Variants in EPHA8 observed in about 807,000 individuals in gnomAD.
The protein encoded by EPHA8 is ephrin type-A receptor 8.
EPHA8 carries 58 observed loss-of-function variants against 103.6 expected under a neutral mutation model. The ratio of observed to expected loss-of-function variants is 0.56; its 90% CI spans 0.45 to 0.70. The LOEUF (loss-of-function observed/expected upper bound fraction) is 0.70. Among genes scored for constraint, EPHA8 ranks in the 30% least tolerant of loss-of-function variants. The pLI is 0.00. For synonymous variants in EPHA8, 559 were observed against 572.5 expected (o/e 0.98, Z 0.34); for missense variants, 1,304 against 1,395.2 (o/e 0.93, Z 1.04).
chr1:22,566,536 G>T (rs1347297045), intron 1 of EPHA8, among the ~76,000 whole-genome samples: 2 of 152,180 alleles, frequency 1.3e-5, no homozygotes, highest in African/African-American at 2.4e-5. Flanking sequence ...GATGCCTATG[G>T]ACATCTTTCA....
chr1:22,587,520 G>A (rs990965183), intron 4 of EPHA8, among the ~76,000 whole-genome samples: 1 of 152,164 alleles, frequency 6.6e-6, no homozygotes, highest in Non-Finnish European at 1.5e-5. Context: ...GCAGGGCTGC[G>A]TGACTGTCCT....
At chr1:22,574,222 G>A (rs568219778) in intron 2 of EPHA8, among the ~76,000 whole-genome samples, 8 of 151,878 alleles carry the variant, frequency 5.3e-5, no homozygotes, top group Admixed American at 3.3e-4. Flanking sequence ...CTCGTGATCC[G>A]CCTGCCTCAG....
In EPHA8 at chr1:22,586,643, C is replaced by G. The variant is rs767823050; in HGVS notation, c.979+8C>G. ...CGTCCTCAGCCTGCACCCGTGAGTA[C>G]CACTCCGAGATGCCAGTACCCTTGA... On this transcript the variant is annotated splice_region_variant and intron_variant, in intron 4 of 16. Transcript: ENST00000166244. The G allele has an allele frequency of 6.2e-7, 1 of 1,613,210 alleles. No individual in the cohort carries two copies. The highest frequency in any genetic ancestry group is 8.5e-7 in the Non-Finnish European group (1 of 1,179,476).
intron 13 of EPHA8, 73 bp downstream of exon 13, chr1:22,599,120 C>T: frequency 6.7e-7 from 1 of 1,485,070 alleles, no homozygotes; most frequent in Non-Finnish European, 9.1e-7. Flanking sequence ...AGGGCCCAAC[C>T]ATTCTGCAAG....
chr1:22,571,689 A>G (rs1336565089), intron 2 of EPHA8, among the ~76,000 whole-genome samples: 2 of 152,178 alleles, frequency 1.3e-5, no homozygotes, highest in Non-Finnish European at 2.9e-5. Context: ...CCAGGCTAGC[A>G]GGTGAGGCAT....
Position 22,598,062 on chromosome 1 carries a change from G to T in EPHA8, c.2117-89G>T. On this transcript the variant is annotated intron_variant, in intron 11 of 16. Transcript: ENST00000166244. This position sits in a 1 kb window ranked among gnomAD's most constrained non-coding sequence, Gnocchi z 5.1. ...CCTGGGGTTTCCAGTGCTGGCACAG[G>T]TCCTGAGATGGTGGTATGCTCCTGG... The T allele has an allele frequency of 1.3e-6, 2 of 1,492,940 alleles. No individual in the cohort carries two copies. The highest frequency in any genetic ancestry group is 1.4e-5 in the African/African-American group (1 of 72,464). 92.5% of individuals were successfully genotyped at this position (1,492,940 alleles called of 1,614,324 possible).
rs1641577428 is a variant in EPHA8 at position 22,598,193 on chromosome 1, C to T, written c.2159C>T (p.Ser720Phe). Reference protein sequence around the residue: ...MIVTEYMENGSLDTFLRTHDG... With the variant: ...MIVTEYMENGFLDTFLRTHDG... Reference sequence around the variant, plus strand: ...GTGACTGAGTACATGGAGAACGGCTCTCTGGACACCTTCCTGAGGGTGCGT... The same window carrying T: ...GTGACTGAGTACATGGAGAACGGCTTTCTGGACACCTTCCTGAGGGTGCGT... Residue 720 changes from serine to phenylalanine, a missense_variant, in exon 12 of 17, where the codon TCT becomes TTT. Transcript: ENST00000166244. This position sits in a 1 kb window ranked among gnomAD's most constrained non-coding sequence, Gnocchi z 5.1. 1 of 1,613,292 alleles carries T rather than the reference C, an allele frequency of 6.2e-7. No individual in the cohort carries two copies.
rs148326577 is a variant in EPHA8 at position 22,588,986 on chromosome 1, G to A, written c.1095G>A (p.Val365=). The change falls in exon 5 of 17, where the codon GTG becomes GTA. Residue 365 remains valine, a synonymous_variant. Coordinates refer to ENST00000166244, the MANE Select transcript of EPHA8 (RefSeq NM_020526.5). ...GGRSDITYNA[V]CRRCPWALSR... The stretch of plus-strand genomic sequence containing the variant: ...GCAGTGACATCACCTACAATGCCGT[G>A]TGCCGCCGCTGCCCCTGGGCACTGA... 1.9e-6 allele frequency: 3 copies of A among 1,613,258 alleles called. No individual in the cohort carries two copies. The highest frequency in any genetic ancestry group is 1.1e-5 in the South Asian group (1 of 91,034).
intron 1 of EPHA8, among the ~76,000 whole-genome samples, chr1:22,564,242 C>T (rs1177503178): frequency 3.3e-5 from 5 of 151,026 alleles, no homozygotes. Flanking sequence ...CGCTGAGAAA[C>T]GGGACCCCGG....
At chr1:22,578,806 CATGT>C (rs1312369325) in intron 3 of EPHA8, among the ~76,000 whole-genome samples, 1 of 145,946 alleles carries the variant, frequency 6.9e-6, no homozygotes, top group African/African-American at 2.6e-5. Context: ...TGCGTGTGTG[CATGT>C]ATGTGTACAT....
In EPHA8 at chr1:22,569,223, G is replaced by C; in HGVS notation, c.95-66G>C. ...AGTGTGGACCAGTGTAGCTGGGTCAGGCTGCTCTTGAGGAGCTGGGGAGAA... is the reference window on the plus strand; with the variant it reads ...AGTGTGGACCAGTGTAGCTGGGTCACGCTGCTCTTGAGGAGCTGGGGAGAA... On this transcript the variant is annotated intron_variant, in intron 1 of 16. Transcript: ENST00000166244. The surrounding 1 kb of genome is among the most constrained non-coding windows in gnomAD (Gnocchi z 4.5). The C allele has an allele frequency of 2.6e-6, 4 of 1,553,084 alleles. No individual in the cohort carries two copies. The highest frequency in any genetic ancestry group is 1.1e-5 in the South Asian group (1 of 89,500).
intron 5 of EPHA8, among the ~76,000 whole-genome samples, chr1:22,590,599 G>A (rs1641346649): frequency 6.6e-6 from 1 of 152,132 alleles, no homozygotes; most frequent in African/African-American, 2.4e-5. Context: ...CCATTGACCT[G>A]TGTGGCCTGT....
chr1:22,598,450 G>A lies in EPHA8; in HGVS notation c.2178+238G>A, dbSNP rs912824770. Among the ~76,000 whole-genome samples, 2 of 152,212 alleles carry A rather than the reference G, an allele frequency of 1.3e-5. No individual in the cohort carries two copies. The highest frequency in any genetic ancestry group is 4.8e-5 in the African/African-American group (2 of 41,464). ...TCCTGCTGCCCTGCACACAGGCTGA[G>A]GGGGGTGCCTCTGTGGGAATCCAGG... On this transcript the variant is annotated intron_variant, in intron 12 of 16. Transcript: ENST00000166244. The surrounding 1 kb of genome is among the most constrained non-coding windows in gnomAD (Gnocchi z 5.1).
intron 1 of EPHA8, among the ~76,000 whole-genome samples, chr1:22,564,119 G>A (rs1342228536): frequency 6.7e-6 from 1 of 149,982 alleles, no homozygotes. Flanking sequence ...CAGGGTTGGG[G>A]ACAGAGGACA....
chr1:22,593,810 T>C (rs553742253), intron 7 of EPHA8, 124 bp downstream of exon 7: 8 of 1,199,844 alleles, frequency 6.7e-6, no homozygotes, highest in Non-Finnish European at 9.0e-6. Flanking sequence ...TCTGCTCTCC[T>C]TGCCCTACCA....
chr1:22,592,497 T>C (rs1641400165), intron 5 of EPHA8, among the ~76,000 whole-genome samples: 1 of 152,222 alleles, frequency 6.6e-6, no homozygotes, highest in South Asian at 2.1e-4. Flanking sequence ...ACCCTTCCAG[T>C]GCAACTCTGG....
chr1:22,576,400 C>T lies in EPHA8; in HGVS notation c.343C>T (p.Leu115=), dbSNP rs150187218. ...CGACTGCAACAGCATGCCTGGTGTG[C>T]TGGGCACCTGCAAGGAGACCTTCAA... is the stretch of plus-strand genomic sequence containing the variant. ...LRDCNSMPGV[L]GTCKETFNLY... The change falls in exon 3 of 17, where the codon CTG becomes TTG. Residue 115 remains leucine, a synonymous_variant. Transcript: ENST00000166244. The surrounding 1 kb of genome is among the most constrained non-coding windows in gnomAD (Gnocchi z 4.8). The T allele has an allele frequency of 2.7e-5, 43 of 1,613,810 alleles. No homozygotes were observed. The highest frequency in any genetic ancestry group is 3.4e-5 in the Non-Finnish European group (40 of 1,180,038).
At position 22,577,009 on chromosome 1, in the gene EPHA8, T is replaced by C. The variant is rs887182593; in HGVS notation, c.823+129T>C. ...GTGACCCACACAGCCCCTGGGAAGATGGATAAACCTCCAGTGTTCCTACAT... is the reference window on the plus strand; with the variant it reads ...GTGACCCACACAGCCCCTGGGAAGACGGATAAACCTCCAGTGTTCCTACAT... On this transcript the variant is annotated intron_variant, in intron 3 of 16. Coordinates refer to ENST00000166244, the MANE Select transcript of EPHA8 (RefSeq NM_020526.5). 7.9e-5 allele frequency: 86 copies of C among 1,081,790 alleles called. 1 individual carries two copies. The highest frequency in any genetic ancestry group is 2.6e-6 in the Non-Finnish European group (2 of 779,502). The allele number at this position is 1,081,790 out of a possible 1,614,324, so 67.0% of individuals were successfully genotyped here. A position where few individuals can be genotyped will look rare whatever the true frequency, so the allele number is the denominator to read the frequency against.
chr1:22,578,334 G>C (rs1051805799), intron 3 of EPHA8, among the ~76,000 whole-genome samples: 3 of 150,612 alleles, frequency 2.0e-5, no homozygotes, highest in African/African-American at 7.4e-5. Context: ...GTGTGCATGA[G>C]TGTATGCATG....
Sources: gnomAD v4.1 joint callset for allele counts (sites outside exome capture counted in the v4.1 genomes callset) on GRCh38, gnomAD v4.1.1 for gene constraint, Gnocchi (gnomAD v3.1) non-coding constraint, MANE v1.5 for transcripts, NCBI Gene and HGNC (gene_info 2026-07-23, HGNC 2026-07-21) for gene names.